PADI4: variants seen among roughly 807,000 people sequenced by gnomAD.
The protein encoded by PADI4 is peptidyl arginine deiminase 4.
PADI4 carries 62 observed loss-of-function variants against 75.0 expected under a neutral mutation model. The ratio of observed to expected loss-of-function variants is 0.83; its 90% CI spans 0.67 to 1.02. The LOEUF is 1.02. Ranked by LOEUF, PADI4 falls within the 50% of genes least tolerant of loss-of-function variation. The pLI is 0.00. For missense variants in PADI4, 845 were observed against 850.5 expected (o/e 0.99, Z 0.08); for synonymous variants, 361 against 348.1 (o/e 1.04, Z -0.41).
At position 17,356,521 on chromosome 1, in the gene PADI4, T is replaced by G; in HGVS notation, c.1558+62T>G. 1 of 983,622 alleles carries G rather than the reference T, an allele frequency of 1.0e-6. No individual in the cohort carries two copies. The highest frequency in any genetic ancestry group is 1.6e-6 in the Non-Finnish European group (1 of 629,774). 60.9% of individuals were successfully genotyped at this position (983,622 alleles called of 1,614,324 possible). Reference sequence around the variant, plus strand: ...CTTCCTGCTTCCCATAGTCCGCTGTTGCCTGGAGGGAATCATCCAGGCAAT... The same window carrying G: ...CTTCCTGCTTCCCATAGTCCGCTGTGGCCTGGAGGGAATCATCCAGGCAAT... On this transcript the variant is annotated intron_variant, in intron 13 of 15. Coordinates refer to ENST00000375448, the MANE Select transcript of PADI4 (RefSeq NM_012387.3). This position sits in a 1 kb window ranked among gnomAD's most constrained non-coding sequence, Gnocchi z 4.1.
Position 17,346,715 on chromosome 1 carries a change from C to T in PADI4, c.1047+576C>T, listed in dbSNP as rs2074522375. ...CATCCAGCCTAGCACCCTGACCCTC[C>T]CCACCACTGCCTTGCTTTGCCTCGG... On this transcript the variant is annotated intron_variant, in intron 9 of 15. Coordinates refer to ENST00000375448, the MANE Select transcript of PADI4 (RefSeq NM_012387.3). This position sits in a 1 kb window ranked among gnomAD's most constrained non-coding sequence, Gnocchi z 4.3. 6.6e-6 allele frequency among the ~76,000 whole-genome samples: 1 copy of T among 152,144 alleles called. No individual in the cohort carries two copies. The highest frequency in any genetic ancestry group is 6.5e-5 in the Admixed American group (1 of 15,276).
At chr1:17,354,744 C>T in intron 11 of PADI4, 57 bp downstream of exon 11, 2 of 1,495,828 alleles carry the variant, frequency 1.3e-6, no homozygotes, top group Non-Finnish European at 1.8e-6. Flanking sequence ...CGTAGAAAAG[C>T]AGAGGCCAGA....
At chr1:17,327,150 C>T (rs936798071) in intron 1 of PADI4, among the ~76,000 whole-genome samples, 4 of 152,156 alleles carry the variant, frequency 2.6e-5, no homozygotes, top group East Asian at 3.9e-4. Flanking sequence ...TGGGCTCAGG[C>T]GATCTGCCCA....
At chr1:17,317,521 G>T (rs574003989) in intron 1 of PADI4, among the ~76,000 whole-genome samples, 3 of 144,390 alleles carry the variant, frequency 2.1e-5, no homozygotes, top group African/African-American at 2.6e-5. Flanking sequence ...CGCCCGTCTC[G>T]GCCTCCCAAA....
chr1:17,334,132 A>G, intron 3 of PADI4, 123 bp downstream of exon 3: 3 of 676,902 alleles, frequency 4.4e-6, no homozygotes, highest in South Asian at 3.4e-5. Flanking sequence ...GAGAAAAAGC[A>G]TGGTTTCTAG....
chr1:17,318,399 C>T (rs2073976898), intron 1 of PADI4, among the ~76,000 whole-genome samples: 1 of 152,264 alleles, frequency 6.6e-6, no homozygotes, highest in East Asian at 1.9e-4. Context: ...GGTTAATGGC[C>T]ACACAGAGAA....
At chr1:17,361,279 A>G (rs1328448151) in intron 15 of PADI4, among the ~76,000 whole-genome samples, 3 of 152,172 alleles carry the variant, frequency 2.0e-5, no homozygotes, top group Non-Finnish European at 4.4e-5. Context: ...TAAAGTATTG[A>G]CCCCAAGCGT....
At chr1:17,314,830 C>A (rs570132860) in intron 1 of PADI4, among the ~76,000 whole-genome samples, 42 of 152,370 alleles carry the variant, frequency 2.8e-4, no homozygotes, top group African/African-American at 9.9e-4. Flanking sequence ...CTGCTCCAAC[C>A]AGCTGGTGAT....
intron 1 of PADI4, among the ~76,000 whole-genome samples, chr1:17,323,972 A>G (rs1357245868): frequency 1.3e-5 from 2 of 152,062 alleles, no homozygotes; most frequent in Non-Finnish European, 2.9e-5. Context: ...ACTATAATTT[A>G]TTAGCTATTC....
At position 17,356,331 on chromosome 1, in the gene PADI4, T is replaced by A; in HGVS notation, c.1456-26T>A. The A allele has an allele frequency of 2.0e-6, 3 of 1,534,536 alleles. No homozygotes were observed. The highest frequency in any genetic ancestry group is 1.8e-6 in the Non-Finnish European group (2 of 1,123,054). On this transcript the variant is annotated intron_variant, in intron 12 of 15. Transcript: ENST00000375448. The surrounding 1 kb of genome is among the most constrained non-coding windows in gnomAD (Gnocchi z 4.1). ...GGGAGCTCCAGGGGCAAAGCTGACT[T>A]CTAACCCCAGTGTTTCTGCCTCCAG...
Position 17,363,510 on chromosome 1 carries a change from A to C in PADI4, c.1759-12A>C, listed in dbSNP as rs1310097196. ...GCTGCTGCCTGTGACCTGAACCCTC[A>C]CTTCCCTGCAGGTGAACATGCTGGT... is the stretch of plus-strand genomic sequence containing the variant. On this transcript the variant is annotated splice_polypyrimidine_tract_variant and intron_variant, in intron 15 of 15. Coordinates refer to ENST00000375448, the MANE Select transcript of PADI4 (RefSeq NM_012387.3). 2.6e-5 allele frequency: 41 copies of C among 1,594,640 alleles called. No individual in the cohort carries two copies. The highest frequency in any genetic ancestry group is 3.4e-5 in the Non-Finnish European group (40 of 1,163,802).
At position 17,331,874 on chromosome 1, in the gene PADI4, C is replaced by T. The variant is rs891137025; in HGVS notation, c.273+725C>T. ...GGGAGGTTTCAGTGAGCCAAGATTG[C>T]GCCACTTCACTCCAGCCTGGGTGAA... On this transcript the variant is annotated intron_variant, in intron 2 of 15. Transcript: ENST00000375448. Among the ~76,000 whole-genome samples the T allele has an allele frequency of 7.2e-5, 11 of 152,182 alleles. No individual in the cohort carries two copies. In the East Asian group the frequency reaches 1.2e-3, roughly 16 times the overall value.
Position 17,318,782 on chromosome 1 carries a change from T to C in PADI4, c.92+10468T>C, listed in dbSNP as rs1286747706. ...CTCACTGCAAACTCCGCCTCCCGGG[T>C]TCATGCCATTCTCTTGCCTCAGCCT... On this transcript the variant is annotated intron_variant, in intron 1 of 15. Coordinates refer to ENST00000375448, the MANE Select transcript of PADI4 (RefSeq NM_012387.3). 4.7e-5 allele frequency among the ~76,000 whole-genome samples: 7 copies of C among 150,064 alleles called. No homozygotes were observed. In the Admixed American group the frequency reaches 4.7e-4, roughly 10 times the overall value.
At chr1:17,318,816 G>A (rs2073985757) in intron 1 of PADI4, among the ~76,000 whole-genome samples, 2 of 150,932 alleles carry the variant, frequency 1.3e-5, no homozygotes, top group Non-Finnish European at 1.5e-5. Context: ...CTCCCGAGTA[G>A]CTGGGACTAC....
chr1:17,320,967 G>A (rs1002608226), intron 1 of PADI4, among the ~76,000 whole-genome samples: 3 of 152,172 alleles, frequency 2.0e-5, no homozygotes, highest in Non-Finnish European at 2.9e-5. Flanking sequence ...TCTCAAGATC[G>A]TTAACTTAAT....
chr1:17,347,919 T>G lies in PADI4; in HGVS notation c.1048-22T>G, dbSNP rs776917006. ...GACCCAGGCAGCACGCGCAACAGCCTCCTCTCCACTCACTCCCACAGGATG... is the reference window on the plus strand; with the variant it reads ...GACCCAGGCAGCACGCGCAACAGCCGCCTCTCCACTCACTCCCACAGGATG... On this transcript the variant is annotated intron_variant, in intron 9 of 15. Transcript: ENST00000375448. 5.6e-6 allele frequency: 8 copies of G among 1,439,218 alleles called. No individual in the cohort carries two copies. The African/African-American group carries it at 9.8e-5, about 18-fold the overall frequency. The allele number at this position is 1,439,218 out of a possible 1,614,324, so 89.2% of individuals were successfully genotyped here.
At chr1:17,345,663 T>C (rs1383304141) in intron 8 of PADI4, among the ~76,000 whole-genome samples, 3 of 152,224 alleles carry the variant, frequency 2.0e-5, no homozygotes, top group Non-Finnish European at 4.4e-5. Flanking sequence ...TTTTTCTTCT[T>C]CCTCATTTTC....
Position 17,342,294 on chromosome 1 carries a change from T to C in PADI4, c.832-5T>C, listed in dbSNP as rs1280581860. ...CCCTCCTTCCCCTTACCCCCTCCCC[T>C]GCAGGAGCTCCCCGAGGCTGTGGTG... On this transcript the variant is annotated splice_region_variant and splice_polypyrimidine_tract_variant and intron_variant, in intron 7 of 15. Coordinates refer to ENST00000375448, the MANE Select transcript of PADI4 (RefSeq NM_012387.3). The C allele has an allele frequency of 6.2e-7, 1 of 1,600,478 alleles. No individual in the cohort carries two copies. Among genetic ancestry groups the C allele is most frequent in the Admixed American group, 1.7e-5 (1 of 59,946 alleles).
chr1:17,335,917 C>T (rs2074300747), intron 3 of PADI4, among the ~76,000 whole-genome samples: 1 of 152,326 alleles, frequency 6.6e-6, no homozygotes, highest in African/African-American at 2.4e-5. Flanking sequence ...GTTGTGGCCC[C>T]GCTGAAGGGG....
Sources: gnomAD v4.1 joint callset for allele counts (sites outside exome capture counted in the v4.1 genomes callset) on GRCh38, gnomAD v4.1.1 for gene constraint, Gnocchi (gnomAD v3.1) non-coding constraint, MANE v1.5 for transcripts, NCBI Gene and HGNC (gene_info 2026-07-23, HGNC 2026-07-21) for gene names.